TAF3: variants seen among roughly 807,000 people sequenced by gnomAD.
TAF3 encodes the protein transcription initiation factor TFIID subunit 3.
In TAF3, 7 loss-of-function variants were observed where a neutral mutation model predicts 80.6. The observed-to-expected ratio is 0.09, with a 90% CI of 0.05 to 0.16. The LOEUF is 0.16. Ranked by LOEUF, TAF3 falls within the 10% of genes least tolerant of loss-of-function variation. The pLI, the probability that TAF3 is intolerant of heterozygous loss-of-function variation, is 1.00. For missense variants in TAF3, 921 were observed against 1,140.2 expected, an observed-to-expected ratio of 0.81 and a Z score of 2.77; for synonymous variants, 444 against 446.1, an observed-to-expected ratio of 1.00 and a Z score of 0.06.
chr10:7,879,974 C>A (rs572820935), intron 2 of TAF3, among the ~76,000 whole-genome samples: 1 of 152,168 alleles, frequency 6.6e-6, no homozygotes, highest in Non-Finnish European at 1.5e-5. Flanking sequence ...CTCTGGGAGT[C>A]TGCAGCAAGA....
intron 2 of TAF3, among the ~76,000 whole-genome samples, chr10:7,876,041 A>G (rs555423040): frequency 6.6e-5 from 10 of 151,966 alleles, no homozygotes; most frequent in African/African-American, 2.4e-4. Flanking sequence ...TATATTTATA[A>G]AAAGGAAGTT....
At position 8,015,973 on chromosome 10, in the gene TAF3, T is replaced by C. The variant is rs1248157114; in HGVS notation, c.*1222T>C. On this transcript the variant is annotated 3_prime_UTR_variant, in exon 7 of 7. Transcript: ENST00000344293. ...TTTAAGGCTGAAATGAAGTATATTA[T>C]GAATTTTTTTAAGAAAACTCATCAA... The C allele has an allele frequency of 6.6e-6, 1 of 152,286 alleles. No homozygotes were observed. The highest frequency in any genetic ancestry group is 1.9e-4 in the East Asian group (1 of 5,188). 9.4% of individuals were successfully genotyped at this position (152,286 alleles called of 1,614,324 possible).
chr10:7,948,561 T>C (rs1838049985), intron 2 of TAF3, among the ~76,000 whole-genome samples: 1 of 152,196 alleles, frequency 6.6e-6, no homozygotes, highest in Non-Finnish European at 1.5e-5. Flanking sequence ...AAATCCTGAA[T>C]TGCTTGTTTT....
intron 2 of TAF3, among the ~76,000 whole-genome samples, chr10:7,855,113 G>A (rs747537987): frequency 6.6e-6 from 1 of 152,126 alleles, no homozygotes; most frequent in East Asian, 1.9e-4. Flanking sequence ...GGGTCAAATG[G>A]TAAAGAACTT....
At chr10:8,007,823 A>G (rs532254617) in intron 4 of TAF3, among the ~76,000 whole-genome samples, 75 of 151,838 alleles carry the variant, frequency 4.9e-4, no homozygotes, top group African/African-American at 1.7e-3. Context: ...CTAACTTCTT[A>G]TAGGTCCTCA....
chr10:7,862,149 T>A (rs1221739769), intron 2 of TAF3, among the ~76,000 whole-genome samples: 1 of 152,238 alleles, frequency 6.6e-6, no homozygotes, highest in Non-Finnish European at 1.5e-5. Context: ...ATTTCTCTCC[T>A]GAGATTGCCA....
chr10:7,984,604 T>A (rs758336048), intron 4 of TAF3, among the ~76,000 whole-genome samples: 1 of 152,252 alleles, frequency 6.6e-6, no homozygotes, highest in Non-Finnish European at 1.5e-5. Flanking sequence ...TGGGTCCAGG[T>A]CTTATTAGTT....
intron 3 of TAF3, among the ~76,000 whole-genome samples, chr10:7,969,988 A>G (rs1178503475): frequency 6.6e-6 from 1 of 152,248 alleles, no homozygotes; most frequent in Non-Finnish European, 1.5e-5. Flanking sequence ...CAGTAGTTTC[A>G]TACCTTCTCG....
chr10:7,840,302 GCCA>G (rs1836898597), intron 2 of TAF3, among the ~76,000 whole-genome samples: 2 of 151,686 alleles, frequency 1.3e-5, no homozygotes, highest in African/African-American at 4.8e-5. Context: ...ACAGGCGCCC[GCCA>G]CCACGCCTGG....
intron 4 of TAF3, among the ~76,000 whole-genome samples, chr10:8,002,097 G>T (rs1464045386): frequency 6.6e-6 from 1 of 152,102 alleles, no homozygotes; most frequent in East Asian, 1.9e-4. Context: ...ATTTTTGCCT[G>T]CAGTCATATT....
intron 2 of TAF3, among the ~76,000 whole-genome samples, chr10:7,880,928 A>T (rs1588536731): frequency 6.6e-6 from 1 of 152,182 alleles, no homozygotes; most frequent in East Asian, 1.9e-4. Flanking sequence ...GAGAGAAATG[A>T]TTCACATTAC....
At position 8,008,119 on chromosome 10, in the gene TAF3, C is replaced by T. The variant is rs143650272; in HGVS notation, c.2316-959C>T. ...TTTTTTTTTTTTTTTTTTTTTGAGA[C>T]GAAGTCTCACTCTGTAGCCCAAGCT... On this transcript the variant is annotated intron_variant, in intron 4 of 6. Coordinates refer to ENST00000344293, the MANE Select transcript of TAF3 (RefSeq NM_031923.4). Among the ~76,000 whole-genome samples the T allele has an allele frequency of 6.4e-3, 771 of 120,604 alleles. 9 individuals carry two copies. The highest frequency in any genetic ancestry group is 0.022 in the African/African-American group (730 of 32,880). 79.1% of individuals were successfully genotyped at this position (120,604 alleles called of 152,430 possible). A position where few individuals can be genotyped will look rare whatever the true frequency, so the allele number is the denominator to read the frequency against.
chr10:7,984,432 A>G (rs995016320), intron 4 of TAF3, among the ~76,000 whole-genome samples: 1 of 152,246 alleles, frequency 6.6e-6, no homozygotes, highest in African/African-American at 2.4e-5. Context: ...TAGATGCCGC[A>G]TTAGAAGACT....
At chr10:7,913,348 C>T (rs1373772948) in intron 2 of TAF3, among the ~76,000 whole-genome samples, 1 of 152,174 alleles carries the variant, frequency 6.6e-6, no homozygotes, top group African/African-American at 2.4e-5. Flanking sequence ...GCCTGGGAAG[C>T]AGCCCAAGTC....
intron 4 of TAF3, among the ~76,000 whole-genome samples, chr10:7,993,417 A>T (rs1413867668): frequency 6.6e-6 from 1 of 152,254 alleles, no homozygotes; most frequent in South Asian, 2.1e-4. Context: ...GGGCTCAAGC[A>T]ATCCTTCTGC....
In TAF3 at chr10:8,009,235, C is replaced by A; in HGVS notation, c.2473C>A (p.Pro825Thr). ...LPLLAQAAAG[P>T]ALLPSPGPAA... ...GCTGCTCGCCCAGGCCGCCGCGGGCCCTGCCCTGCTGCCCTCCCCGGGTCC... is the reference window on the plus strand; with the variant it reads ...GCTGCTCGCCCAGGCCGCCGCGGGCACTGCCCTGCTGCCCTCCCCGGGTCC... The change falls in exon 5 of 7, where the codon CCT becomes ACT. Residue 825 changes from proline to threonine, a missense_variant. Transcript: ENST00000344293. The surrounding 1 kb of genome is among the most constrained non-coding windows in gnomAD (Gnocchi z 4.1). 1.3e-6 allele frequency: 2 copies of A among 1,494,986 alleles called. No individual in the cohort carries two copies. The highest frequency in any genetic ancestry group is 1.8e-6 in the Non-Finnish European group (2 of 1,123,402). The allele number at this position is 1,494,986 out of a possible 1,614,324, so 92.6% of individuals were successfully genotyped here.
Position 7,964,372 on chromosome 10 carries a change from A to G in TAF3, c.862A>G (p.Thr288Ala). 1 of 1,613,948 alleles carries G rather than the reference A, an allele frequency of 6.2e-7. No homozygotes were observed. Among genetic ancestry groups the G allele is most frequent in the South Asian group, 1.1e-5 (1 of 91,068 alleles). The change falls in exon 3 of 7, where the codon ACC (threonine) becomes GCC (alanine). Residue 288 changes from threonine (T) to alanine (A), a missense_variant. This residue lies in a region of TAF3 where 743 missense variants were observed against 821.0 expected (regional missense o/e 0.90). Coordinates refer to ENST00000344293, the MANE Select transcript of TAF3 (RefSeq NM_031923.4). This position sits in a 1 kb window ranked among gnomAD's most constrained non-coding sequence, Gnocchi z 4.1. ...AGGACAGAAGACTAAATCACCTAAAACCGCCCAGTCACCAGCAATGGTCGG... is the reference window on the plus strand; with the variant it reads ...AGGACAGAAGACTAAATCACCTAAAGCCGCCCAGTCACCAGCAATGGTCGG... The part of the protein sequence containing the change: ...SPGQKTKSPK[T>A]AQSPAMVGSP...
intron 4 of TAF3, among the ~76,000 whole-genome samples, chr10:7,994,051 C>T (rs1241318450): frequency 1.4e-5 from 2 of 142,506 alleles, no homozygotes; most frequent in African/African-American, 5.3e-5. Flanking sequence ...CTCTGCTCCC[C>T]CTACCCCTTC....
intron 2 of TAF3, among the ~76,000 whole-genome samples, chr10:7,878,651 G>A (rs1837331389): frequency 6.6e-6 from 1 of 152,070 alleles, no homozygotes; most frequent in Admixed American, 6.6e-5. Flanking sequence ...CTAGCTTATA[G>A]GAAATTCCCT....
Sources: allele counts gnomAD v4.1 joint callset (sites outside exome capture counted in the v4.1 genomes callset), GRCh38; gene constraint gnomAD v4.1.1; regional missense constraint gnomAD v4.1.1; non-coding constraint Gnocchi (gnomAD v3.1); transcripts MANE v1.5; gene names NCBI Gene and HGNC (gene_info 2026-07-23, HGNC 2026-07-21).